The following ITGBL1 variants were observed in gnomAD, a reference collection of about 807,000 sequenced individuals.
ITGBL1 encodes the protein integrin beta-like protein 1.
A neutral mutation model predicts 68.5 loss-of-function variants in ITGBL1; 51 were observed. The observed-to-expected ratio is 0.74, with a 90% CI of 0.59 to 0.94. The LOEUF (loss-of-function observed/expected upper bound fraction) is 0.94, where lower values mean the gene tolerates loss of function less well. ITGBL1 is among the 40% of genes least tolerant of loss of function. The pLI, the probability that ITGBL1 is intolerant of heterozygous loss-of-function variation, is 0.00. For synonymous variants in ITGBL1, 209 were observed against 227.3 expected (o/e 0.92, Z 0.72); for missense variants, 649 against 647.4 (o/e 1.00, Z -0.03).
chr13:101,509,953 T>C (rs1390509339), intron 2 of ITGBL1, among the ~76,000 whole-genome samples: 1 of 152,174 alleles, frequency 6.6e-6, no homozygotes, highest in Non-Finnish European at 1.5e-5. Context: ...TATGCAGTGA[T>C]CTTGAAAGAA....
Position 101,621,188 on chromosome 13 carries a change from T to C in ITGBL1, c.1015+22889T>C, listed in dbSNP as rs538947162. 5.8e-4 allele frequency among the ~76,000 whole-genome samples: 89 copies of C among 152,168 alleles called. 1 individual carries two copies. Among genetic ancestry groups the C allele is most frequent in the Non-Finnish European group, 1.1e-3 (77 of 68,032 alleles). On this transcript the variant is annotated intron_variant, in intron 7 of 10. Transcript: ENST00000376180. The stretch of plus-strand genomic sequence containing the variant: ...CTTCTGAAATATTAACAGGAAAATA[T>C]CTGTTTGAATAAATAGCTTTGTACA...
chr13:101,611,373 G>A (rs937499873), intron 7 of ITGBL1, among the ~76,000 whole-genome samples: 15 of 152,156 alleles, frequency 9.9e-5, no homozygotes, highest in African/African-American at 2.7e-4. Context: ...TCTGCACCTC[G>A]TATCATGTTT....
At chr13:101,661,194 A>G (rs1353730053) in intron 7 of ITGBL1, among the ~76,000 whole-genome samples, 2 of 151,978 alleles carry the variant, frequency 1.3e-5, no homozygotes, top group African/African-American at 4.8e-5. Flanking sequence ...AACTCAAAGA[A>G]TATTGTTTTT....
At chr13:101,585,868 T>C (rs533066680) in intron 6 of ITGBL1, among the ~76,000 whole-genome samples, 1 of 152,340 alleles carries the variant, frequency 6.6e-6, no homozygotes, top group South Asian at 2.1e-4. Context: ...CTTTTTCCTA[T>C]GGGTATTCAC....
At chr13:101,606,546 A>T (rs2030868632) in intron 7 of ITGBL1, among the ~76,000 whole-genome samples, 1 of 151,920 alleles carries the variant, frequency 6.6e-6, no homozygotes, top group Non-Finnish European at 1.5e-5. Flanking sequence ...ATTCTTCCTG[A>T]TTAAAGAATA....
chr13:101,574,219 G>C lies in ITGBL1; in HGVS notation c.464-1205G>C, dbSNP rs142746731. Reference sequence around the variant, plus strand: ...TAAGACTTCCATGAACTGCACCTCAGGTTGCTTTATTCATTTCATGCCACT... The same window carrying C: ...TAAGACTTCCATGAACTGCACCTCACGTTGCTTTATTCATTTCATGCCACT... On this transcript the variant is annotated intron_variant, in intron 3 of 10. Coordinates refer to ENST00000376180, the MANE Select transcript of ITGBL1 (RefSeq NM_004791.3). Among the ~76,000 whole-genome samples the C allele has an allele frequency of 1.5e-3, 223 of 151,962 alleles. 1 individual carries two copies. Among genetic ancestry groups the C allele is most frequent in the African/African-American group, 4.8e-3 (197 of 41,456 alleles).
chr13:101,471,178 T>C (rs2048451639), intron 2 of ITGBL1, among the ~76,000 whole-genome samples: 1 of 152,148 alleles, frequency 6.6e-6, no homozygotes, highest in Non-Finnish European at 1.5e-5. Flanking sequence ...GCTGAGGAGA[T>C]TGAAGGAGAA....
At chr13:101,598,724 T>C (rs2030152597) in intron 7 of ITGBL1, among the ~76,000 whole-genome samples, 1 of 152,150 alleles carries the variant, frequency 6.6e-6, no homozygotes, top group Admixed American at 6.5e-5. Flanking sequence ...CTGAGAATGA[T>C]GGTTTCCAGT....
intron 7 of ITGBL1, among the ~76,000 whole-genome samples, chr13:101,680,792 C>T (rs1485590282): frequency 6.6e-6 from 1 of 152,132 alleles, no homozygotes; most frequent in Non-Finnish European, 1.5e-5. Flanking sequence ...TGAGGTTTAA[C>T]TTATTCTTCC....
chr13:101,719,191 T>TAAG (rs1555368871), downstream of ITGBL1: 1 of 152,108 alleles, frequency 6.6e-6, no homozygotes, highest in South Asian at 2.1e-4. Context: ...ACTTAAAGAA[T>TAAG]AAGTTTTTGG....
chr13:101,664,428 G>T (rs1317491535), intron 7 of ITGBL1, among the ~76,000 whole-genome samples: 2 of 152,086 alleles, frequency 1.3e-5, no homozygotes, highest in African/African-American at 4.8e-5. Context: ...TATAATAATT[G>T]TAAAAGGCAG....
At chr13:101,637,570 C>G (rs947804985) in intron 7 of ITGBL1, among the ~76,000 whole-genome samples, 6 of 152,072 alleles carry the variant, frequency 3.9e-5, no homozygotes, top group Non-Finnish European at 8.8e-5. Flanking sequence ...GTCTCGATCT[C>G]CTGATCTCCT....
chr13:101,670,770 G>A (rs554876326), intron 7 of ITGBL1, among the ~76,000 whole-genome samples: 23 of 152,226 alleles, frequency 1.5e-4, no homozygotes, highest in African/African-American at 5.3e-4. Flanking sequence ...AACGAATTAG[G>A]CTTATTTAAT....
intron 2 of ITGBL1, among the ~76,000 whole-genome samples, chr13:101,468,936 T>C (rs1410938255): frequency 2.6e-5 from 4 of 152,214 alleles, no homozygotes; most frequent in Admixed American, 1.3e-4. Context: ...AACTCCTCCA[T>C]AACCTAATTT....
At chr13:101,691,302 C>G (rs1456775931) in intron 7 of ITGBL1, among the ~76,000 whole-genome samples, 1 of 152,140 alleles carries the variant, frequency 6.6e-6, no homozygotes, top group African/African-American at 2.4e-5. Flanking sequence ...ATGTCTTTCA[C>G]CAGATTCTCA....
intron 7 of ITGBL1, among the ~76,000 whole-genome samples, chr13:101,644,196 A>G (rs1487220783): frequency 6.6e-6 from 1 of 152,198 alleles, no homozygotes; most frequent in Non-Finnish European, 1.5e-5. Context: ...GGAGAATAAA[A>G]CACTGACTCT....
intron 2 of ITGBL1, among the ~76,000 whole-genome samples, chr13:101,516,724 TATC>T (rs1215177762): frequency 6.6e-6 from 1 of 152,172 alleles, no homozygotes; most frequent in Non-Finnish European, 1.5e-5. Flanking sequence ...CTTTGTTAAT[TATC>T]ATATTATTTC....
intron 2 of ITGBL1, among the ~76,000 whole-genome samples, chr13:101,461,398 G>A (rs954440968): frequency 3.3e-5 from 5 of 152,188 alleles, no homozygotes; most frequent in African/African-American, 9.6e-5. Context: ...GGTGATCAAT[G>A]CCCTAGGAGG....
chr13:101,606,678 A>T (rs1313171154), intron 7 of ITGBL1, among the ~76,000 whole-genome samples: 3 of 152,020 alleles, frequency 2.0e-5, no homozygotes, highest in South Asian at 4.1e-4. Flanking sequence ...AAAATCTGCC[A>T]TTGTCTCAGG....
Sources: allele counts gnomAD v4.1 joint callset (sites outside exome capture counted in the v4.1 genomes callset), GRCh38; gene constraint gnomAD v4.1.1; transcripts MANE v1.5; gene names NCBI Gene and HGNC (gene_info 2026-07-23, HGNC 2026-07-21).